PER3: variants seen among roughly 807,000 people sequenced by gnomAD.
PER3 encodes period circadian protein homolog 3.
In PER3, 107 loss-of-function variants were observed where a neutral mutation model predicts 127.2. The observed-to-expected ratio is 0.84, with a 90% CI of 0.72 to 0.99. The LOEUF (loss-of-function observed/expected upper bound fraction) is 0.99. Among genes scored for constraint, PER3 ranks in the 50% least tolerant of loss-of-function variants. PER3 has a pLI of 0.00. For synonymous variants in PER3, 618 were observed against 585.8 expected (o/e 1.05, Z -0.79); for missense variants, 1,560 against 1,525.8 (o/e 1.02, Z -0.37).
chr1:7,784,938 G>T lies in PER3; in HGVS notation c.61G>T (p.Glu21Ter). The T allele has an allele frequency of 6.5e-7, 1 of 1,540,462 alleles. No homozygotes were observed. Among genetic ancestry groups the T allele is most frequent in the Non-Finnish European group, 8.7e-7 (1 of 1,155,324 alleles). Residue 21 changes from glutamate to a stop codon, truncating the protein, a stop_gained, in exon 2 of 22, where the codon GAA becomes TAA. Transcript: ENST00000377532. LOFTEE classifies it high-confidence loss of function. ...GGGGGCTAAGGACGAGGCCCTGGGC[G>T]AAGAATCGGGGGAGCGGTGGAGCCC... ...RRGAKDEALG[E>*]ESGERWSPEF...
At chr1:7,830,311 A>C in intron 19 of PER3, 150 bp downstream of exon 19, 1 of 671,704 alleles carries the variant, frequency 1.5e-6, no homozygotes, top group South Asian at 1.9e-5. Flanking sequence ...ATATTGGGGT[A>C]TATTTATACA....
At chr1:7,790,222 A>G (rs2097112954) in intron 5 of PER3, among the ~76,000 whole-genome samples, 1 of 152,194 alleles carries the variant, frequency 6.6e-6, no homozygotes. Context: ...AGACTGGGTA[A>G]TTAATAAAGG....
chr1:7,788,536 CCTTT>C (rs1468622975), intron 5 of PER3: 9 of 267,822 alleles, frequency 3.4e-5, no homozygotes, highest in African/African-American at 1.6e-4. Flanking sequence ...GGCTCTGTTT[CCTTT>C]AAGTTAAAAT....
intron 5 of PER3, among the ~76,000 whole-genome samples, chr1:7,792,453 A>G (rs1295543193): frequency 6.6e-6 from 1 of 152,188 alleles, no homozygotes; most frequent in Non-Finnish European, 1.5e-5. Context: ...CTTTTATGTA[A>G]AATCTTAATA....
At chr1:7,789,533 C>T (rs932401776) in intron 5 of PER3, among the ~76,000 whole-genome samples, 1 of 152,194 alleles carries the variant, frequency 6.6e-6, no homozygotes, top group African/African-American at 2.4e-5. Flanking sequence ...AACTGTAAGT[C>T]CGTTAAACCT....
intron 19 of PER3, among the ~76,000 whole-genome samples, chr1:7,832,240 T>C (rs2097334596): frequency 6.6e-6 from 1 of 152,096 alleles, no homozygotes; most frequent in African/African-American, 2.4e-5. Flanking sequence ...ATTGCTGGTA[T>C]TAATATTTTT....
chr1:7,800,246 AC>A (rs2097164799), intron 7 of PER3, among the ~76,000 whole-genome samples: 2 of 148,890 alleles, frequency 1.3e-5, no homozygotes, highest in African/African-American at 4.9e-5. Context: ...TCGCTCTGTT[AC>A]CCAGGCTGGA....
chr1:7,795,505 G>A (rs2097141335), intron 6 of PER3, among the ~76,000 whole-genome samples: 1 of 152,202 alleles, frequency 6.6e-6, no homozygotes, highest in Admixed American at 6.5e-5. Flanking sequence ...AGGGCAGGGG[G>A]TGAGCCACAC....
chr1:7,826,782 A>G lies in PER3; in HGVS notation c.2188+72A>G, dbSNP rs2097303436. The G allele has an allele frequency of 1.1e-6, 1 of 885,218 alleles. No homozygotes were observed. 54.8% of individuals were successfully genotyped at this position (885,218 alleles called of 1,614,324 possible). On this transcript the variant is annotated intron_variant, in intron 17 of 21. Coordinates refer to ENST00000377532, the MANE Select transcript of PER3 (RefSeq NM_001377275.1). This position sits in a 1 kb window ranked among gnomAD's most constrained non-coding sequence, Gnocchi z 4.2. ...ACAAACTGTATCTAAGGACTAGGAG[A>G]TAAGGAGTGAACAATAGGAGTTTTA...
chr1:7,796,511 C>G (rs2097146324), intron 6 of PER3, among the ~76,000 whole-genome samples: 1 of 152,002 alleles, frequency 6.6e-6, no homozygotes, highest in African/African-American at 2.4e-5. Context: ...GACGGGGTTT[C>G]TCCATGTTGG....
chr1:7,800,586 T>C (rs915350543), intron 7 of PER3, among the ~76,000 whole-genome samples: 2 of 152,104 alleles, frequency 1.3e-5, no homozygotes, highest in Non-Finnish European at 2.9e-5. Flanking sequence ...TAAATAACAT[T>C]TGTAGTATTT....
At chr1:7,838,289 A>G (rs746792944) in intron 21 of PER3, among the ~76,000 whole-genome samples, 8 of 152,194 alleles carry the variant, frequency 5.3e-5, no homozygotes, top group Admixed American at 2.0e-4. Context: ...TTATGCAACC[A>G]TCACCACCAT....
At position 7,793,966 on chromosome 1, in the gene PER3, G is replaced by C; in HGVS notation, c.602G>C (p.Arg201Pro). Residue 201 changes from arginine to proline, a missense_variant, in exon 6 of 22, where the codon CGG (arginine) becomes CCG (proline). Around this residue, in one of 3 missense-constraint regions of PER3, gnomAD observed 1,332 missense variants for 1,223.6 expected, o/e 1.09. Transcript: ENST00000377532. The stretch of plus-strand genomic sequence containing the variant: ...GCATCTTTCTTTCTAGCAGCTGCAC[G>C]GTATGAATGTGCTCCGGTGAAACCT... Reference protein sequence around the residue: ...WNNWTQRAAARYECAPVKPFF... With the variant: ...WNNWTQRAAAPYECAPVKPFF... 6.2e-7 allele frequency: 1 copy of C among 1,613,930 alleles called. No individual in the cohort carries two copies. The highest frequency in any genetic ancestry group is 8.5e-7 in the Non-Finnish European group (1 of 1,179,808).
At chr1:7,787,220 T>C (rs1224324515) in intron 4 of PER3, 3 of 898,580 alleles carry the variant, frequency 3.3e-6, no homozygotes, top group Non-Finnish European at 4.1e-6. Context: ...CTACTTCAAG[T>C]TGTAACAACT....
At chr1:7,803,356 A>C (rs1233665217) in intron 9 of PER3, among the ~76,000 whole-genome samples, 1 of 150,310 alleles carries the variant, frequency 6.7e-6, no homozygotes, top group Non-Finnish European at 1.5e-5. Flanking sequence ...TGGGAGGCCG[A>C]GGTGGGCGAA....
Position 7,843,086 on chromosome 1 carries a change from G to C in PER3, c.*331G>C, listed in dbSNP as rs1408866919. On this transcript the variant is annotated 3_prime_UTR_variant, in exon 22 of 22. Coordinates refer to ENST00000377532, the MANE Select transcript of PER3 (RefSeq NM_001377275.1). ...ATAATTAGAAGTATAGCTAGAATGAGCCCCAAACCTTAGCCTCATTTATTT... is the reference window on the plus strand; with the variant it reads ...ATAATTAGAAGTATAGCTAGAATGACCCCCAAACCTTAGCCTCATTTATTT... 1 of 163,514 alleles carries C rather than the reference G, an allele frequency of 6.1e-6. No homozygotes were observed. Among genetic ancestry groups the C allele is most frequent in the African/African-American group, 2.4e-5 (1 of 41,868 alleles). The allele number at this position is 163,514 out of a possible 1,614,324, so 10.1% of individuals were successfully genotyped here. A position where few individuals can be genotyped will look rare whatever the true frequency, so the allele number is the denominator to read the frequency against.
At chr1:7,820,903 T>A (rs572186242) in intron 16 of PER3, among the ~76,000 whole-genome samples, 4 of 152,234 alleles carry the variant, frequency 2.6e-5, no homozygotes, top group Non-Finnish European at 5.9e-5. Context: ...ACCTAGTAGG[T>A]AGGTATTAGC....
At chr1:7,799,985 C>A (rs2097163298) in intron 7 of PER3, among the ~76,000 whole-genome samples, 1 of 151,718 alleles carries the variant, frequency 6.6e-6, no homozygotes, top group Admixed American at 6.6e-5. Flanking sequence ...ACTATGTTGC[C>A]CAGGCTGTTC....
Position 7,803,848 on chromosome 1 carries a change from C to G in PER3, c.1136C>G (p.Thr379Arg). The G allele has an allele frequency of 6.2e-7, 1 of 1,610,234 alleles. No individual in the cohort carries two copies. The highest frequency in any genetic ancestry group is 8.5e-7 in the Non-Finnish European group (1 of 1,178,148). The change falls in exon 10 of 22, where the codon ACG becomes AGG. Residue 379 changes from threonine to arginine, a missense_variant and splice_region_variant. Coordinates refer to ENST00000377532, the MANE Select transcript of PER3 (RefSeq NM_001377275.1). Reference sequence around the variant, plus strand: ...ATCATTGGTCGGCATAAAGTTCGAACGTAAGCCAGTCAGTTTTCATATTTT... The same window carrying G: ...ATCATTGGTCGGCATAAAGTTCGAAGGTAAGCCAGTCAGTTTTCATATTTT... ...SFIIGRHKVR[T>R]SPLNEDVFAT... is the part of the protein sequence containing the mutation.
Sources: allele counts gnomAD v4.1 joint callset (sites outside exome capture counted in the v4.1 genomes callset), GRCh38; gene constraint gnomAD v4.1.1; regional missense constraint gnomAD v4.1.1; non-coding constraint Gnocchi (gnomAD v3.1); transcripts MANE v1.5; gene names NCBI Gene and HGNC (gene_info 2026-07-23, HGNC 2026-07-21).